Variants in GNG4 observed in about 807,000 individuals in gnomAD.
GNG4 encodes the protein guanine nucleotide-binding protein G(I)/G(S)/G(O) subunit gamma-4.
GNG4 carries 4 observed loss-of-function variants against 5.8 expected under a neutral mutation model. That is an observed-to-expected ratio of 0.69 (90% CI 0.34 to 1.57). GNG4 has a LOEUF of 1.57. Ranked by LOEUF, GNG4 falls within the 40% of genes most tolerant of loss-of-function variation. The probability of loss-of-function intolerance (pLI) is 0.06; values close to 1 mark genes in which losing one functional copy is unlikely to be tolerated. For synonymous variants in GNG4, 29 were observed against 32.9 expected, an observed-to-expected ratio of 0.88 and a Z score of 0.41; for missense variants, 96 against 95.1, an observed-to-expected ratio of 1.01 and a Z score of -0.04.
intron 1 of GNG4, among the ~76,000 whole-genome samples, chr1:235,631,528 C>T (rs1400815612): frequency 2.0e-5 from 3 of 152,038 alleles, no homozygotes; most frequent in African/African-American, 7.2e-5. Flanking sequence ...TCTGCATTAA[C>T]ACTGTTTGCA....
At chr1:235,628,272 C>T (rs529888436) in intron 1 of GNG4, among the ~76,000 whole-genome samples, 12 of 152,288 alleles carry the variant, frequency 7.9e-5, no homozygotes, top group Non-Finnish European at 8.8e-5. Flanking sequence ...AAAGCCTAAA[C>T]CCCAGAGGTG....
chr1:235,567,510 G>GT, intron 3 of GNG4, among the ~76,000 whole-genome samples: 1 of 152,082 alleles, frequency 6.6e-6, no homozygotes, highest in Non-Finnish European at 1.5e-5. Context: ...TCTCCTGTCT[G>GT]TTTCTATGAA....
chr1:235,587,227 G>A (rs1270590012), intron 2 of GNG4, among the ~76,000 whole-genome samples: 3 of 76,060 alleles, frequency 3.9e-5, no homozygotes, highest in African/African-American at 1.9e-4. Context: ...GTGGGTGAGT[G>A]TGAGTGTGTG....
chr1:235,589,836 T>G (rs1687917828), intron 2 of GNG4, among the ~76,000 whole-genome samples: 1 of 152,212 alleles, frequency 6.6e-6, no homozygotes. Flanking sequence ...ATCCTTGAGC[T>G]GGGTGGGTCC....
At chr1:235,558,596 G>T (rs1160853819) in intron 3 of GNG4, among the ~76,000 whole-genome samples, 1 of 152,180 alleles carries the variant, frequency 6.6e-6, no homozygotes, top group Non-Finnish European at 1.5e-5. Context: ...ATGGTTGGAG[G>T]TTTCCTTCAA....
rs60214059 is a variant in GNG4, at chr1:235,550,511, A to AAAAC, written c.*1597_*1598insGTTT. ...TTGTGCCTCAGTTTCCCCTCACTCT[A>AAAAC]AGACATACGGCCGGGTGCACTGGCT... On this transcript the variant is annotated 3_prime_UTR_variant, in exon 4 of 4. Coordinates refer to ENST00000391854, the MANE Select transcript of GNG4 (RefSeq NM_001098722.2). 0.51 allele frequency: 77,617 copies of AAAAC among 151,598 alleles called. 20,597 individuals carry two copies. Among genetic ancestry groups the AAAAC allele is most frequent in the Non-Finnish European group, 0.58 (39,182 of 67,824 alleles). The allele number at this position is 151,598 out of a possible 1,614,324, so 9.4% of individuals were successfully genotyped here.
At chr1:235,564,260 C>T (rs906861388) in intron 3 of GNG4, among the ~76,000 whole-genome samples, 6 of 152,040 alleles carry the variant, frequency 3.9e-5, no homozygotes, top group Non-Finnish European at 1.5e-5. Flanking sequence ...ACACCAGGAA[C>T]GAGAGACACA....
At chr1:235,620,630 C>T (rs558963393) in intron 1 of GNG4, among the ~76,000 whole-genome samples, 3 of 152,130 alleles carry the variant, frequency 2.0e-5, no homozygotes, top group African/African-American at 7.2e-5. Flanking sequence ...CCGCCTCCCG[C>T]GTTCATGCCA....
intron 1 of GNG4, among the ~76,000 whole-genome samples, chr1:235,622,247 T>C (rs1356555202): frequency 6.6e-6 from 1 of 152,192 alleles, no homozygotes; most frequent in Non-Finnish European, 1.5e-5. Context: ...GTTGTTAGAT[T>C]AGGTGAGGTT....
intron 3 of GNG4, among the ~76,000 whole-genome samples, chr1:235,557,005 G>A (rs1002395329): frequency 3.3e-5 from 5 of 152,178 alleles, no homozygotes; most frequent in Non-Finnish European, 7.4e-5. Context: ...GAGCTCAAGC[G>A]GTAATGCAAC....
Position 235,593,583 on chromosome 1 carries a change from G to A in GNG4, c.-11+1817C>T, listed in dbSNP as rs191856609. Among the ~76,000 whole-genome samples the A allele has an allele frequency of 3.3e-5, 5 of 152,312 alleles. No individual in the cohort carries two copies. The South Asian group carries it at 6.2e-4, about 19-fold the overall frequency. Reference sequence around the variant, plus strand: ...AAGAATGAAGCTGCGGACCCGCGCCGTGAGTGTTACAATTCTCAATTCTTA... The same window carrying A: ...AAGAATGAAGCTGCGGACCCGCGCCATGAGTGTTACAATTCTCAATTCTTA... On this transcript the variant is annotated intron_variant, in intron 2 of 3. Coordinates refer to ENST00000391854, the MANE Select transcript of GNG4 (RefSeq NM_001098722.2).
intron 2 of GNG4, among the ~76,000 whole-genome samples, chr1:235,585,947 C>T (rs1687748710): frequency 6.6e-6 from 1 of 152,136 alleles, no homozygotes; most frequent in African/African-American, 2.4e-5. Context: ...TTGCTTCATA[C>T]AAAACATTTA....
At chr1:235,629,432 G>A (rs1208815295) in intron 1 of GNG4, among the ~76,000 whole-genome samples, 1 of 151,910 alleles carries the variant, frequency 6.6e-6, no homozygotes, top group African/African-American at 2.4e-5. Context: ...TACTCTCGGG[G>A]ACCTAGGCCT....
rs1422004475 is a variant in GNG4, at chr1:235,549,502, GC to G, written c.*2606del. On this transcript the variant is annotated 3_prime_UTR_variant, in exon 4 of 4. Coordinates refer to ENST00000391854, the MANE Select transcript of GNG4 (RefSeq NM_001098722.2). ...CCCGCTTTCTCGGCTTCTCTGATGT[GC>G]CTTTATGACTTGTGCTTCGCTTCAT... 6.6e-6 allele frequency: 1 copy of G among 152,184 alleles called. No homozygotes were observed. The highest frequency in any genetic ancestry group is 1.5e-5 in the Non-Finnish European group (1 of 68,048). The allele number at this position is 152,184 out of a possible 1,614,324, so 9.4% of individuals were successfully genotyped here.
intron 2 of GNG4, among the ~76,000 whole-genome samples, chr1:235,587,762 GGA>G (rs1315873899): frequency 7.2e-6 from 1 of 138,780 alleles, no homozygotes; most frequent in Non-Finnish European, 1.6e-5. Context: ...GGTGAGTGTG[GGA>G]GAGTGTGGGG....
chr1:235,609,404 T>C (rs1045010476), intron 1 of GNG4, among the ~76,000 whole-genome samples: 2 of 152,168 alleles, frequency 1.3e-5, no homozygotes, highest in Admixed American at 6.6e-5. Context: ...TGCCAACATA[T>C]GTTATTTTCC....
chr1:235,612,914 G>C (rs1688511485), intron 1 of GNG4, among the ~76,000 whole-genome samples: 1 of 152,146 alleles, frequency 6.6e-6, no homozygotes, highest in Non-Finnish European at 1.5e-5. Context: ...GTTGTGACAA[G>C]GGCCCTTTTC....
At chr1:235,593,415 T>C (rs1047153345) in intron 2 of GNG4, among the ~76,000 whole-genome samples, 6 of 152,184 alleles carry the variant, frequency 3.9e-5, no homozygotes, top group African/African-American at 1.4e-4. Flanking sequence ...CATTGTGCCT[T>C]TGCAGCCATC....
At chr1:235,554,671 C>T (rs1686846179) in intron 3 of GNG4, among the ~76,000 whole-genome samples, 1 of 152,032 alleles carries the variant, frequency 6.6e-6, no homozygotes, top group South Asian at 2.1e-4. Flanking sequence ...TGGTGAAACC[C>T]CGTCTCTACA....
Sources: gnomAD v4.1 joint callset for allele counts (sites outside exome capture counted in the v4.1 genomes callset) on GRCh38, gnomAD v4.1.1 for gene constraint, MANE v1.5 for transcripts, NCBI Gene and HGNC (gene_info 2026-07-23, HGNC 2026-07-21) for gene names.